Variants in LIPI observed in about 807,000 individuals in gnomAD.
LIPI encodes the protein lipase I.
A neutral mutation model predicts 50.6 loss-of-function variants in LIPI; 59 were observed. That is an observed-to-expected ratio of 1.16 (90% CI 0.94 to 1.45). LIPI has a LOEUF of 1.45. LIPI is among the 40% of genes most tolerant of loss of function. The pLI, the probability that LIPI is intolerant of heterozygous loss-of-function variation, is 0.00. For synonymous variants in LIPI, 203 were observed against 178.2 expected (o/e 1.14, Z -1.11); for missense variants, 586 against 536.3 (o/e 1.09, Z -0.92).
intron 5 of LIPI, 38 bp from the exon 6 acceptor site, chr21:14,165,428 A>G: frequency 6.8e-7 from 1 of 1,462,890 alleles, no homozygotes; most frequent in African/African-American, 1.4e-5. Context: ...CTGTAGATGT[A>G]TTAAGCCATG....
intron 4 of LIPI, among the ~76,000 whole-genome samples, chr21:14,177,155 C>A (rs2019125897): frequency 6.6e-6 from 1 of 152,006 alleles, no homozygotes; most frequent in Admixed American, 6.6e-5. Context: ...TACATACAAA[C>A]TACAATTGTT....
chr21:14,144,455 C>CA (rs764373211), intron 9 of LIPI, 168 bp downstream of exon 9: 9 of 436,082 alleles, frequency 2.1e-5, no homozygotes, highest in East Asian at 1.4e-4. Context: ...TTATTAAAGC[C>CA]AAAAAAACCT....
intron 4 of LIPI, among the ~76,000 whole-genome samples, chr21:14,174,644 A>G (rs1031169521): frequency 2.6e-5 from 4 of 151,888 alleles, no homozygotes; most frequent in African/African-American, 9.7e-5. Context: ...ATCTCTGCCT[A>G]CCGGGTTTAA....
intron 1 of LIPI, among the ~76,000 whole-genome samples, chr21:14,196,321 T>C (rs1037671940): frequency 6.6e-6 from 1 of 152,138 alleles, no homozygotes; most frequent in Non-Finnish European, 1.5e-5. Flanking sequence ...AACAAAAAAG[T>C]ACATATTTTA....
At chr21:14,123,372 A>G (rs973257960) in intron 9 of LIPI, among the ~76,000 whole-genome samples, 2 of 152,154 alleles carry the variant, frequency 1.3e-5, no homozygotes, top group Admixed American at 1.3e-4. Context: ...GACACTACAA[A>G]TGTTTGGAGA....
At chr21:14,209,193 G>T (rs2020302085) in intron 1 of LIPI, among the ~76,000 whole-genome samples, 1 of 152,114 alleles carries the variant, frequency 6.6e-6, no homozygotes. Flanking sequence ...ATACATAGAT[G>T]TACTGTATAT....
At chr21:14,190,016 T>G (rs939676823) in intron 1 of LIPI, among the ~76,000 whole-genome samples, 1 of 152,152 alleles carries the variant, frequency 6.6e-6, no homozygotes, top group African/African-American at 2.4e-5. Flanking sequence ...ATTTTCTTTC[T>G]AGGACTTACA....
At chr21:14,170,291 A>G (rs2018847325) in intron 4 of LIPI, among the ~76,000 whole-genome samples, 1 of 152,216 alleles carries the variant, frequency 6.6e-6, no homozygotes, top group South Asian at 2.1e-4. Flanking sequence ...AAGTACAAGG[A>G]GGAACCGGTA....
Position 14,109,038 on chromosome 21 carries a change from C to G in LIPI, c.1338G>C (p.Glu446Asp). ...ATGTGTTTGGATTAAGAAACACTTC[C>G]TCTCTGTCTTTAAGTACAATATTAT... ...CRYNIVLKDREEVFLNPNTCT... is the reference protein window; with the variant it reads ...CRYNIVLKDRDEVFLNPNTCT... The change falls in exon 10 of 10, where the codon GAG becomes GAC. Residue 446 changes from glutamate to aspartate, a missense_variant. Transcript: ENST00000681601. 3 of 1,598,080 alleles carry G rather than the reference C, an allele frequency of 1.9e-6. No homozygotes were observed. The highest frequency in any genetic ancestry group is 2.6e-6 in the Non-Finnish European group (3 of 1,165,874).
chr21:14,135,750 AG>A (rs774238917), intron 9 of LIPI, among the ~76,000 whole-genome samples: 1 of 152,124 alleles, frequency 6.6e-6, no homozygotes, highest in East Asian at 1.9e-4. Flanking sequence ...TGCAACTTGT[AG>A]GTGAGTCCTA....
chr21:14,158,673 A>G (rs1273175461), intron 7 of LIPI, among the ~76,000 whole-genome samples: 4 of 149,426 alleles, frequency 2.7e-5, no homozygotes, highest in African/African-American at 7.3e-5. Context: ...ATGAAATTTA[A>G]TAACAGAACA....
intron 9 of LIPI, among the ~76,000 whole-genome samples, chr21:14,138,892 A>G (rs2017604694): frequency 4.6e-5 from 7 of 152,118 alleles, no homozygotes; most frequent in Admixed American, 4.6e-4. Flanking sequence ...CTTTATAAAT[A>G]TTACATTATT....
At chr21:14,171,237 C>T (rs955892129) in intron 4 of LIPI, among the ~76,000 whole-genome samples, 55 of 149,858 alleles carry the variant, frequency 3.7e-4, no homozygotes, top group Admixed American at 2.7e-4. Context: ...AATGGAAGAA[C>T]ATTCCATGCT....
intron 1 of LIPI, among the ~76,000 whole-genome samples, chr21:14,201,551 A>C (rs2020054771): frequency 6.6e-6 from 1 of 152,158 alleles, no homozygotes; most frequent in Non-Finnish European, 1.5e-5. Flanking sequence ...CAATAAAAGT[A>C]ATCCAGCATA....
intron 9 of LIPI, among the ~76,000 whole-genome samples, chr21:14,123,715 C>T (rs372010082): frequency 2.1e-4 from 32 of 152,204 alleles, no homozygotes; most frequent in Non-Finnish European, 2.8e-4. Flanking sequence ...ATGAGTCTAC[C>T]GCACCCCTAT....
intron 9 of LIPI, chr21:14,144,317 A>T (rs2017822442): frequency 4.5e-6 from 1 of 223,480 alleles, no homozygotes; most frequent in South Asian, 7.5e-5. Flanking sequence ...ATATGTATGT[A>T]TATGAAAGAA....
intron 1 of LIPI, among the ~76,000 whole-genome samples, chr21:14,204,086 G>A (rs933568439): frequency 2.0e-5 from 3 of 152,046 alleles, no homozygotes; most frequent in Admixed American, 6.6e-5. Context: ...GGCCCTGTTT[G>A]TGGGGGTTAT....
At chr21:14,186,468 T>A (rs182282800) in intron 2 of LIPI, among the ~76,000 whole-genome samples, 1 of 152,312 alleles carries the variant, frequency 6.6e-6, no homozygotes, top group East Asian at 1.9e-4. Context: ...TTTATTCTAA[T>A]GCCTAAAACT....
chr21:14,162,871 A>G (rs180897534), intron 7 of LIPI, among the ~76,000 whole-genome samples: 8 of 152,000 alleles, frequency 5.3e-5, no homozygotes, highest in Admixed American at 5.2e-4. Context: ...TTTTATTTAC[A>G]AACCACTTCC....
Sources: allele counts gnomAD v4.1 joint callset (sites outside exome capture counted in the v4.1 genomes callset), GRCh38; gene constraint gnomAD v4.1.1; transcripts MANE v1.5; gene names NCBI Gene and HGNC (gene_info 2026-07-23, HGNC 2026-07-21).